Variants in GADL1 observed in about 807,000 individuals in gnomAD.
The protein encoded by GADL1 is GAD like acidic amino acid decarboxylase 1.
Under a neutral mutation model 69.5 loss-of-function variants are expected in GADL1, and 71 were observed. The observed-to-expected ratio is 1.02, with a 90% CI of 0.84 to 1.25. The LOEUF (loss-of-function observed/expected upper bound fraction) is 1.25. GADL1 is among the 50% of genes most tolerant of loss of function. The pLI is 0.00. For missense variants in GADL1, 737 were observed against 631.8 expected (o/e 1.17, Z -1.79); for synonymous variants, 254 against 214.4 (o/e 1.18, Z -1.62).
intron 14 of GADL1, among the ~76,000 whole-genome samples, chr3:30,776,932 C>T (rs947450851): frequency 2.0e-5 from 3 of 152,168 alleles, no homozygotes; most frequent in African/African-American, 4.8e-5. Flanking sequence ...TTAAAATTGT[C>T]CCCTGACTGA....
chr3:30,872,768 C>T (rs1012257291), intron 1 of GADL1, among the ~76,000 whole-genome samples: 17 of 151,866 alleles, frequency 1.1e-4, no homozygotes, highest in African/African-American at 4.1e-4. Context: ...TCAATAAACT[C>T]CCCCTTTTGG....
At chr3:30,853,479 C>A (rs1013141371) in intron 4 of GADL1, among the ~76,000 whole-genome samples, 13 of 152,160 alleles carry the variant, frequency 8.5e-5, no homozygotes, top group African/African-American at 3.1e-4. Flanking sequence ...ATATAGACAT[C>A]AGAATTCCAA....
intron 8 of GADL1, among the ~76,000 whole-genome samples, chr3:30,842,437 TG>T (rs1697983427): frequency 6.6e-6 from 1 of 152,146 alleles, no homozygotes; most frequent in Non-Finnish European, 1.5e-5. Context: ...AATGGGTATA[TG>T]AAGCCTCATG....
At chr3:30,804,881 T>G (rs1697225186) in intron 11 of GADL1, among the ~76,000 whole-genome samples, 1 of 152,204 alleles carries the variant, frequency 6.6e-6, no homozygotes, top group Non-Finnish European at 1.5e-5. Context: ...ATATGAACCT[T>G]TTTGTGACCA....
chr3:30,757,787 G>C (rs894930077), intron 14 of GADL1, among the ~76,000 whole-genome samples: 1 of 152,040 alleles, frequency 6.6e-6, no homozygotes, highest in African/African-American at 2.4e-5. Flanking sequence ...GTTCTAGTCC[G>C]TATCTTCTGG....
rs188647999 is a variant in GADL1, at chr3:30,778,293, T to C, written c.1303-25A>G. On this transcript the variant is annotated intron_variant, in intron 13 of 14. Coordinates refer to ENST00000282538, the MANE Select transcript of GADL1 (RefSeq NM_207359.3). ...GCTGAGAATTAGAAAAAATATAAAG[T>C]TGTTATCTTAAGATTTATCTTAGAA... 2.1e-6 allele frequency: 3 copies of C among 1,404,560 alleles called. No homozygotes were observed. The Admixed American group carries it at 5.2e-5, about 24-fold the overall frequency. 87.0% of individuals were successfully genotyped at this position (1,404,560 alleles called of 1,614,324 possible). A position where few individuals can be genotyped will look rare whatever the true frequency, so the allele number is the denominator to read the frequency against.
intron 1 of GADL1, among the ~76,000 whole-genome samples, chr3:30,890,686 T>A (rs1575250114): frequency 6.6e-6 from 1 of 152,124 alleles, no homozygotes; most frequent in African/African-American, 2.4e-5. Context: ...GGGGTAATCA[T>A]GCAGCTAGTG....
chr3:30,842,247 A>G (rs1575230032), intron 8 of GADL1, among the ~76,000 whole-genome samples: 1 of 152,342 alleles, frequency 6.6e-6, no homozygotes, highest in Middle Eastern at 3.4e-3. Flanking sequence ...TAAAAATTAT[A>G]TTTTAAACAA....
intron 14 of GADL1, among the ~76,000 whole-genome samples, chr3:30,735,310 T>C (rs1316747727): frequency 6.6e-6 from 1 of 152,196 alleles, no homozygotes; most frequent in East Asian, 1.9e-4. Flanking sequence ...CTTCTTCTTC[T>C]TTACATTGGT....
intron 11 of GADL1, among the ~76,000 whole-genome samples, chr3:30,816,748 G>A (rs1019056956): frequency 8.6e-5 from 13 of 151,330 alleles, no homozygotes; most frequent in East Asian, 1.9e-4. Flanking sequence ...ATTTCACCAC[G>A]TTGGCCAGAC....
At position 30,753,984 on chromosome 3, in the gene GADL1, G is replaced by A. The variant is rs561266633; in HGVS notation, c.1392+24195C>T. On this transcript the variant is annotated intron_variant, in intron 14 of 14. Transcript: ENST00000282538. Reference sequence around the variant, plus strand: ...CACGCTAAAAGCCATGGCCACCTACGGATTTTCCCAAGGAGGACTGAGGTG... The same window carrying A: ...CACGCTAAAAGCCATGGCCACCTACAGATTTTCCCAAGGAGGACTGAGGTG... Among the ~76,000 whole-genome samples the A allele has an allele frequency of 2.0e-4, 30 of 152,168 alleles. No homozygotes were observed. The East Asian group carries it at 3.9e-3, about 20-fold the overall frequency.
At chr3:30,756,245 C>A (rs6550021) in intron 14 of GADL1, among the ~76,000 whole-genome samples, 64,746 of 151,994 alleles carry the variant, frequency 0.43, 14,319 homozygotes, top group African/African-American at 0.53. Context: ...AACGTAAGTT[C>A]TGAAACTCAG....
rs543066709 is a variant in GADL1, at chr3:30,871,557, A to T, written c.38-9792T>A. 6.6e-4 allele frequency among the ~76,000 whole-genome samples: 101 copies of T among 151,968 alleles called. 1 individual carries two copies. Among genetic ancestry groups the T allele is most frequent in the African/African-American group, 2.3e-3 (97 of 41,424 alleles). On this transcript the variant is annotated intron_variant, in intron 1 of 14. Coordinates refer to ENST00000282538, the MANE Select transcript of GADL1 (RefSeq NM_207359.3). ...AAAAATGATCATTAGATAAAAAGTG[A>T]CAGAATAAGATGGGAGAAAATCACT...
At chr3:30,813,867 A>G (rs1158453) in intron 11 of GADL1, among the ~76,000 whole-genome samples, 80,867 of 152,144 alleles carry the variant, frequency 0.53, 24,964 homozygotes, top group African/African-American at 0.85. Context: ...TGGATAGAAC[A>G]AAAGATGTAG....
At chr3:30,760,717 C>T (rs537863608) in intron 14 of GADL1, among the ~76,000 whole-genome samples, 1 of 152,150 alleles carries the variant, frequency 6.6e-6, no homozygotes, top group Non-Finnish European at 1.5e-5. Flanking sequence ...TGAAATCATT[C>T]TTGTAAAGCA....
rs1369844324 is a variant in GADL1 at position 30,827,336 on chromosome 3, ATT to A, written c.1050+6515_1050+6516del. ...AAGCCCTGCATTAGGACCAGTACAC[ATT>A]TATGACTAGGTGGTAACTGATGATT... On this transcript the variant is annotated intron_variant, in intron 11 of 14. Transcript: ENST00000282538. Among the ~76,000 whole-genome samples, 321 of 151,900 alleles carry A rather than the reference ATT, an allele frequency of 2.1e-3. 1 individual carries two copies. The highest frequency in any genetic ancestry group is 3.5e-3 in the Non-Finnish European group (236 of 67,822).
At chr3:30,757,604 GTTTA>G (rs893924553) in intron 14 of GADL1, among the ~76,000 whole-genome samples, 1 of 152,106 alleles carries the variant, frequency 6.6e-6, no homozygotes, top group African/African-American at 2.4e-5. Flanking sequence ...TAAGTTTGCT[GTTTA>G]TTTTCTAGGG....
rs145640002 is a variant in GADL1, at chr3:30,756,932, C to A, written c.1392+21247G>T. ...GTAGCAATAACTCAGCACTAGCCTC[C>A]AACCAGAGTCCATGGGGGGGACATG... is the stretch of plus-strand genomic sequence containing the variant. On this transcript the variant is annotated intron_variant, in intron 14 of 14. Coordinates refer to ENST00000282538, the MANE Select transcript of GADL1 (RefSeq NM_207359.3). Among the ~76,000 whole-genome samples, 263 of 152,202 alleles carry A rather than the reference C, an allele frequency of 1.7e-3. 3 individuals carry two copies. The highest frequency in any genetic ancestry group is 6.1e-3 in the African/African-American group (253 of 41,514).
intron 14 of GADL1, among the ~76,000 whole-genome samples, chr3:30,777,241 A>C (rs889506152): frequency 2.0e-5 from 3 of 152,086 alleles, no homozygotes; most frequent in African/African-American, 7.2e-5. Context: ...TGGACAATGA[A>C]AATTGCTTTT....
Sources: gnomAD v4.1 joint callset for allele counts (sites outside exome capture counted in the v4.1 genomes callset) on GRCh38, gnomAD v4.1.1 for gene constraint, MANE v1.5 for transcripts, NCBI Gene and HGNC (gene_info 2026-07-23, HGNC 2026-07-21) for gene names.